FMN1: variants seen among roughly 807,000 people sequenced by gnomAD.
FMN1 encodes the protein formin 1.
A neutral mutation model predicts 132.4 loss-of-function variants in FMN1; 110 were observed. The ratio of observed to expected loss-of-function variants is 0.83; its 90% confidence interval spans 0.71 to 0.97. The LOEUF is 0.97. FMN1 is among the 50% of genes least tolerant of loss of function. The pLI is 0.00. For synonymous variants in FMN1, 722 were observed against 651.7 expected (o/e 1.11, Z -1.64); for missense variants, 1,792 against 1,705.3 (o/e 1.05, Z -0.90).
chr15:33,119,701 T>G (rs1962371932), intron 4 of FMN1, among the ~76,000 whole-genome samples: 1 of 152,196 alleles, frequency 6.6e-6, no homozygotes, highest in South Asian at 2.1e-4. Flanking sequence ...AATTTTTTCA[T>G]TTTTTTGAAT....
chr15:33,076,848 ATG>A, intron 5 of FMN1, among the ~76,000 whole-genome samples: 1 of 152,348 alleles, frequency 6.6e-6, no homozygotes, highest in South Asian at 2.1e-4. Context: ...TCAGAACCAA[ATG>A]GCTACTGAAA....
intron 19 of FMN1, among the ~76,000 whole-genome samples, chr15:32,795,129 G>T (rs2057238077): frequency 6.6e-6 from 1 of 152,200 alleles, no homozygotes; most frequent in Admixed American, 6.5e-5. Flanking sequence ...GAGCCCAGGA[G>T]GTCAAGGCTG....
chr15:32,932,864 T>C (rs997717842), intron 9 of FMN1, among the ~76,000 whole-genome samples: 1 of 152,194 alleles, frequency 6.6e-6, no homozygotes, highest in African/African-American at 2.4e-5. Context: ...ATTTTGTATA[T>C]ACTTGTGTTT....
chr15:33,030,308 T>C (rs2035876855), intron 6 of FMN1, among the ~76,000 whole-genome samples: 1 of 152,196 alleles, frequency 6.6e-6, no homozygotes, highest in African/African-American at 2.4e-5. Context: ...CCAGTGTTCA[T>C]TAAAAGAAAA....
chr15:33,019,115 G>A (rs1050791903), intron 6 of FMN1, among the ~76,000 whole-genome samples: 2 of 152,118 alleles, frequency 1.3e-5, no homozygotes, highest in African/African-American at 4.8e-5. Flanking sequence ...CCTGCTCATT[G>A]GTCCATTTTA....
rs956901702 is a variant in FMN1, at chr15:33,110,685, AAC to A, written c.1868-21713_1868-21712del. Among the ~76,000 whole-genome samples the A allele has an allele frequency of 1.2e-3, 156 of 127,856 alleles. 1 individual carries two copies. The highest frequency in any genetic ancestry group is 2.0e-3 in the Admixed American group (26 of 12,842). The allele number at this position is 127,856 out of a possible 152,430, so 83.9% of individuals were successfully genotyped here. A position where few individuals can be genotyped will look rare whatever the true frequency, so the allele number is the denominator to read the frequency against. On this transcript the variant is annotated intron_variant, in intron 4 of 20. Transcript: ENST00000616417. ...ATTATATTCAGATTAAATTTATATA[AAC>A]ACAGATCATTAAAGCATTTTGATGA...
rs2056194610 is a variant in FMN1, at chr15:32,770,429, C to CAA, written c.*3880_*3881insTT. The CAA allele has an allele frequency of 6.6e-6, 1 of 152,148 alleles. No homozygotes were observed. Among genetic ancestry groups the CAA allele is most frequent in the East Asian group, 1.9e-4 (1 of 5,192 alleles). The allele number at this position is 152,148 out of a possible 1,614,324, so 9.4% of individuals were successfully genotyped here. A position where few individuals can be genotyped will look rare whatever the true frequency, so the allele number is the denominator to read the frequency against. ...AACATCATAGAGAAAATGTGCAATC[C>CAA]CAGGCCAATAAGCAAATCTTTGCCC... On this transcript the variant is annotated 3_prime_UTR_variant, in exon 21 of 21. Coordinates refer to ENST00000616417, the MANE Select transcript of FMN1 (RefSeq NM_001277313.2).
At chr15:32,868,503 AATG>A (rs1169427555) in intron 16 of FMN1, among the ~76,000 whole-genome samples, 10 of 152,234 alleles carry the variant, frequency 6.6e-5, no homozygotes, top group Non-Finnish European at 1.2e-4. Flanking sequence ...ATGTTTGCAC[AATG>A]ATGATATTGC....
At chr15:33,057,678 CT>C (rs1347645517) in intron 6 of FMN1, among the ~76,000 whole-genome samples, 16 of 152,186 alleles carry the variant, frequency 1.1e-4, no homozygotes, top group African/African-American at 3.9e-4. Context: ...CCCGGTCCTA[CT>C]TTCCTTTCCC....
Position 32,908,515 on chromosome 15 carries a change from GTTC to G in FMN1, c.3349_3351del (p.Glu1117del), listed in dbSNP as rs535428264. 328 of 1,593,262 alleles carry G rather than the reference GTTC, an allele frequency of 2.1e-4. No individual in the cohort carries two copies. The African/African-American group carries it at 3.0e-3, about 14-fold the overall frequency. ...TGCTCAGGTTTATCCAGCAGCTTCA[GTTC>G]TTCTTCTTTGGATGTCTCGTAATAC... On this transcript the variant is annotated inframe_deletion, in exon 12 of 21. Transcript: ENST00000616417.
intron 3 of FMN1, among the ~76,000 whole-genome samples, chr15:33,164,195 T>A (rs1399331242): frequency 1.3e-5 from 2 of 152,222 alleles, no homozygotes; most frequent in Admixed American, 1.3e-4. Context: ...ATGATTTTTG[T>A]TTTCTTCAAA....
intron 16 of FMN1, among the ~76,000 whole-genome samples, chr15:32,870,176 A>G (rs2059483145): frequency 6.6e-6 from 1 of 152,182 alleles, no homozygotes; most frequent in Non-Finnish European, 1.5e-5. Context: ...AGGACTCCTT[A>G]GAAAGATTCT....
intron 4 of FMN1, among the ~76,000 whole-genome samples, chr15:33,093,194 G>A (rs1441168140): frequency 6.6e-6 from 1 of 152,120 alleles, no homozygotes; most frequent in Non-Finnish European, 1.5e-5. Flanking sequence ...CCAGAAAGAG[G>A]AGAGAAAAAA....
chr15:33,077,469 C>G (rs998410480), intron 5 of FMN1, among the ~76,000 whole-genome samples: 1 of 151,304 alleles, frequency 6.6e-6, no homozygotes, highest in Non-Finnish European at 1.5e-5. Flanking sequence ...TACCCAATAA[C>G]TCGTCATTTA....
At chr15:33,061,216 G>C (rs1329486258) in intron 6 of FMN1, among the ~76,000 whole-genome samples, 1 of 152,186 alleles carries the variant, frequency 6.6e-6, no homozygotes, top group African/African-American at 2.4e-5. Context: ...AGGTACCACA[G>C]GTCAGTCCAA....
In FMN1 at chr15:32,925,295, TA is replaced by T. The variant is rs748496382; in HGVS notation, c.3226+878del. ...TTGAAATAATAAATCCAGGCAAAGA[TA>T]ATAAGTGCTCACTAACATCACAGAT... On this transcript the variant is annotated intron_variant, in intron 10 of 20. Coordinates refer to ENST00000616417, the MANE Select transcript of FMN1 (RefSeq NM_001277313.2). Among the ~76,000 whole-genome samples the T allele has an allele frequency of 6.3e-4, 96 of 152,172 alleles. 1 individual carries two copies. The highest frequency in any genetic ancestry group is 1.2e-3 in the Admixed American group (19 of 15,274).
intron 17 of FMN1, among the ~76,000 whole-genome samples, chr15:32,813,459 C>A (rs938324895): frequency 6.6e-5 from 10 of 152,136 alleles, no homozygotes; most frequent in Non-Finnish European, 1.2e-4. Context: ...AGATGAGATG[C>A]TTTGCCCCAA....
In FMN1 at chr15:33,065,088, A is replaced by G. The variant is rs766986920; in HGVS notation, c.2044-14T>C. 2.6e-6 allele frequency: 4 copies of G among 1,565,326 alleles called. No homozygotes were observed. Among genetic ancestry groups the G allele is most frequent in the Non-Finnish European group, 2.6e-6 (3 of 1,142,498 alleles). ...GCTGTGGTCAGGCTGTTGAAAGAGCAGGCAAATAGTAAGTGGAATGTAGTC... is the reference window on the plus strand; with the variant it reads ...GCTGTGGTCAGGCTGTTGAAAGAGCGGGCAAATAGTAAGTGGAATGTAGTC... On this transcript the variant is annotated splice_polypyrimidine_tract_variant and intron_variant, in intron 5 of 20. Transcript: ENST00000616417.
chr15:32,873,268 A>G (rs1313099033), intron 16 of FMN1, among the ~76,000 whole-genome samples: 1 of 152,228 alleles, frequency 6.6e-6, no homozygotes, highest in Non-Finnish European at 1.5e-5. Flanking sequence ...TGCATTGTCA[A>G]TTTTGGGGGA....
Sources: gnomAD v4.1 joint callset for allele counts (sites outside exome capture counted in the v4.1 genomes callset) on GRCh38, gnomAD v4.1.1 for gene constraint, MANE v1.5 for transcripts, NCBI Gene and HGNC (gene_info 2026-07-23, HGNC 2026-07-21) for gene names.